RPS6KC1: variants seen among roughly 807,000 people sequenced by gnomAD.
RPS6KC1 encodes inactive ribosomal protein S6 kinase delta-1.
Under a neutral mutation model 103.8 loss-of-function variants are expected in RPS6KC1, and 54 were observed. That is an observed-to-expected ratio of 0.52 (90% CI 0.42 to 0.65). The LOEUF (loss-of-function observed/expected upper bound fraction) is 0.65. RPS6KC1 is among the 30% of genes least tolerant of loss of function. RPS6KC1 has a pLI of 0.00. For synonymous variants in RPS6KC1, 439 were observed against 438.7 expected (o/e 1.00, Z -0.01); for missense variants, 1,151 against 1,253.8 (o/e 0.92, Z 1.24).
the RPS6KC1 span, among the ~76,000 whole-genome samples, chr1:213,297,520 A>G: frequency 1.1e-4 from 17 of 152,350 alleles, 1 homozygote; most frequent in African/African-American, 3.4e-4. Context: ...TTAGCCGAGA[A>G]TACTTGAGTC....
At chr1:213,435,075 A>C in the RPS6KC1 span, among the ~76,000 whole-genome samples, 5 of 152,074 alleles carry the variant, frequency 3.3e-5, no homozygotes, top group Non-Finnish European at 5.9e-5. Context: ...TATTTTTAGA[A>C]AATTCATTTT....
the RPS6KC1 span, among the ~76,000 whole-genome samples, chr1:213,725,591 T>C: frequency 1.6e-4 from 24 of 152,192 alleles, no homozygotes; most frequent in African/African-American, 5.6e-4. Flanking sequence ...CCTTTACTCG[T>C]TGGTTTCAAA....
chr1:213,772,392 CT>C, the RPS6KC1 span, among the ~76,000 whole-genome samples: 4 of 152,220 alleles, frequency 2.6e-5, no homozygotes, highest in African/African-American at 9.6e-5. Flanking sequence ...TGTCGCAAGA[CT>C]TCCACTGCAT....
At chr1:213,291,988 A>AT in the RPS6KC1 span, among the ~76,000 whole-genome samples, 1 of 151,942 alleles carries the variant, frequency 6.6e-6, no homozygotes, top group Non-Finnish European at 1.5e-5. Flanking sequence ...TTCCAGCACC[A>AT]TTTATTAAAT....
chr1:213,107,917 A>T (rs1485110111), intron 4 of RPS6KC1, among the ~76,000 whole-genome samples: 1 of 152,068 alleles, frequency 6.6e-6, no homozygotes. Flanking sequence ...TGCTTTTTTC[A>T]TATATCTTTG....
the RPS6KC1 span, among the ~76,000 whole-genome samples, chr1:213,543,815 T>A: frequency 3.9e-5 from 6 of 152,304 alleles, no homozygotes; most frequent in African/African-American, 1.4e-4. Context: ...CCTGTTTTCT[T>A]TGCTTCTTGC....
At chr1:213,612,608 A>G in the RPS6KC1 span, among the ~76,000 whole-genome samples, 1 of 152,234 alleles carries the variant, frequency 6.6e-6, no homozygotes, top group Non-Finnish European at 1.5e-5. Context: ...ACATGTGTAG[A>G]GATAGATTTT....
intron 6 of RPS6KC1, among the ~76,000 whole-genome samples, chr1:213,167,140 C>A (rs2091034811): frequency 6.6e-6 from 1 of 152,110 alleles, no homozygotes; most frequent in South Asian, 2.1e-4. Flanking sequence ...TAGGGGGGCC[C>A]ATCCTTGGCT....
chr1:213,123,429 C>T (rs920594991), intron 5 of RPS6KC1, among the ~76,000 whole-genome samples: 5 of 151,500 alleles, frequency 3.3e-5, no homozygotes, highest in East Asian at 3.9e-4. Context: ...CAAATCTGTA[C>T]GAGGTATTCT....
intron 5 of RPS6KC1, among the ~76,000 whole-genome samples, chr1:213,122,522 A>G (rs1056633433): frequency 6.6e-6 from 1 of 152,218 alleles, no homozygotes; most frequent in Non-Finnish European, 1.5e-5. Context: ...TCTATTTTCA[A>G]GACAAACTTA....
At chr1:213,623,956 C>T in the RPS6KC1 span, among the ~76,000 whole-genome samples, 922 of 152,256 alleles carry the variant, frequency 6.1e-3, 3 homozygotes, top group African/African-American at 0.021. Context: ...ACTGAAGAAG[C>T]AGTGAGGTTC....
the RPS6KC1 span, among the ~76,000 whole-genome samples, chr1:213,792,461 C>T: frequency 6.6e-6 from 1 of 152,134 alleles, no homozygotes; most frequent in Non-Finnish European, 1.5e-5. Context: ...GTTAAAGCTT[C>T]AAATGCAAGT....
chr1:213,700,926 C>A, the RPS6KC1 span, among the ~76,000 whole-genome samples: 1 of 151,854 alleles, frequency 6.6e-6, no homozygotes, highest in African/African-American at 2.4e-5. Flanking sequence ...TGTTAGTAAA[C>A]TGGTTTATAA....
At chr1:213,276,910 A>G (rs2095113736), downstream of RPS6KC1, among the ~76,000 whole-genome samples, 1 of 152,138 alleles carries the variant, frequency 6.6e-6, no homozygotes, top group South Asian at 2.1e-4. Flanking sequence ...CTATGGTGGT[A>G]TTTGTACACC....
intron 2 of RPS6KC1, among the ~76,000 whole-genome samples, chr1:213,075,515 C>T (rs1182115354): frequency 6.6e-6 from 1 of 152,094 alleles, no homozygotes; most frequent in Non-Finnish European, 1.5e-5. Flanking sequence ...TCAGTTTTTG[C>T]TCTTCAACCC....
chr1:213,172,883 A>C (rs1424557891), intron 7 of RPS6KC1, among the ~76,000 whole-genome samples: 1 of 152,198 alleles, frequency 6.6e-6, no homozygotes, highest in African/African-American at 2.4e-5. Context: ...TTGCTAATAA[A>C]TGTAAGTGAA....
At chr1:213,540,551 A>G in the RPS6KC1 span, among the ~76,000 whole-genome samples, 1 of 152,154 alleles carries the variant, frequency 6.6e-6, no homozygotes, top group Non-Finnish European at 1.5e-5. Context: ...GGGTTTTGCC[A>G]TGTTGCCGAC....
At chr1:213,823,135 C>T in the RPS6KC1 span, among the ~76,000 whole-genome samples, 2 of 152,192 alleles carry the variant, frequency 1.3e-5, no homozygotes, top group African/African-American at 4.8e-5. Context: ...CTCTGGCACT[C>T]TCACTCCACT....
At chr1:213,515,381 T>C in the RPS6KC1 span, among the ~76,000 whole-genome samples, 2 of 152,260 alleles carry the variant, frequency 1.3e-5, no homozygotes, top group South Asian at 4.1e-4. Flanking sequence ...TTTAAGTCTT[T>C]AATCCATCTT....
Sources: allele counts gnomAD v4.1 joint callset (sites outside exome capture counted in the v4.1 genomes callset), GRCh38; gene constraint gnomAD v4.1.1; transcripts MANE v1.5; gene names NCBI Gene and HGNC (gene_info 2026-07-23, HGNC 2026-07-21).